Variants in ECE1 observed in about 807,000 individuals in gnomAD.
The protein encoded by ECE1 is endothelin-converting enzyme 1.
In ECE1, 35 loss-of-function variants were observed where a neutral mutation model predicts 98.6. The observed-to-expected ratio is 0.35, with a 90% CI of 0.27 to 0.47. ECE1 has a LOEUF of 0.47. Among genes scored for constraint, ECE1 ranks in the 20% least tolerant of loss-of-function variants. The pLI is 1.00. For missense variants in ECE1, 814 were observed against 1,025.3 expected (o/e 0.79, Z 2.81); for synonymous variants, 394 against 407.1 (o/e 0.97, Z 0.39).
rs1178316352 is a variant in ECE1, at chr1:21,235,607, T to TG, written c.1566+242dup. Among the ~76,000 whole-genome samples the TG allele has an allele frequency of 6.6e-6, 1 of 152,218 alleles. No homozygotes were observed. The highest frequency in any genetic ancestry group is 1.5e-5 in the Non-Finnish European group (1 of 68,028). On this transcript the variant is annotated intron_variant, in intron 13 of 18. Transcript: ENST00000374893. The surrounding 1 kb of genome is among the most constrained non-coding windows in gnomAD (Gnocchi z 4.2). ...CACACAGCACGGGTTCTGTACTGAC[T>TG]GGTGGGCACTGCTGATGGATGGTGG...
rs113326441 is a variant in ECE1 at position 21,285,573 on chromosome 1, C to A, written c.138+4497G>T. 6.1e-3 allele frequency among the ~76,000 whole-genome samples: 924 copies of A among 152,094 alleles called. 11 individuals carry two copies. Among genetic ancestry groups the A allele is most frequent in the African/African-American group, 0.021 (887 of 41,492 alleles). On this transcript the variant is annotated intron_variant, in intron 2 of 18. Coordinates refer to ENST00000374893, the MANE Select transcript of ECE1 (RefSeq NM_001397.3). ...GGCATGACGGCTCATATCTGTAATC[C>A]CAGCACTCTGGGAGGCCAATGTGAG...
At chr1:21,311,274 C>G (rs1638716454) in intron 1 of ECE1, among the ~76,000 whole-genome samples, 1 of 152,110 alleles carries the variant, frequency 6.6e-6, no homozygotes, top group Non-Finnish European at 1.5e-5. Context: ...GCCCAACATG[C>G]AGGAATGTTC....
chr1:21,270,856 C>T (rs1189015656), intron 4 of ECE1, among the ~76,000 whole-genome samples: 3 of 152,176 alleles, frequency 2.0e-5, no homozygotes. Context: ...CAGATTCGAA[C>T]CCAGGTCCTG....
intron 3 of ECE1, among the ~76,000 whole-genome samples, chr1:21,276,167 A>T (rs1004889682): frequency 1.3e-5 from 2 of 151,526 alleles, no homozygotes; most frequent in Non-Finnish European, 2.9e-5. Flanking sequence ...CTAGGATTAC[A>T]GGCATCCAAC....
chr1:21,264,312 C>G (rs1052523974), intron 4 of ECE1, among the ~76,000 whole-genome samples: 1 of 73,114 alleles, frequency 1.4e-5, no homozygotes, highest in Admixed American at 1.3e-4. Context: ...TACCAATTCC[C>G]CCCCCCCCTT....
rs1192225324 is a variant in ECE1, at chr1:21,218,777, G to A, written c.*1178C>T. 6.6e-6 allele frequency: 1 copy of A among 152,148 alleles called. No individual in the cohort carries two copies. Among genetic ancestry groups the A allele is most frequent in the Non-Finnish European group, 1.5e-5 (1 of 68,082 alleles). The allele number at this position is 152,148 out of a possible 1,614,324, so 9.4% of individuals were successfully genotyped here. ...AATTTTTGTAATTTTTTTTAGTAGAGATGGGGTTTCACCACGTTGGCCAGG... is the reference window on the plus strand; with the variant it reads ...AATTTTTGTAATTTTTTTTAGTAGAAATGGGGTTTCACCACGTTGGCCAGG... On this transcript the variant is annotated 3_prime_UTR_variant, in exon 19 of 19. Transcript: ENST00000374893. The surrounding 1 kb of genome is among the most constrained non-coding windows in gnomAD (Gnocchi z 4.0).
chr1:21,289,910 C>A (rs2098264610), intron 2 of ECE1, among the ~76,000 whole-genome samples, 160 bp downstream of exon 2: 1 of 150,980 alleles, frequency 6.6e-6, no homozygotes, highest in Non-Finnish European at 1.5e-5. Context: ...CAGCGCGGAG[C>A]TCCAGCTGCG....
At chr1:21,247,469 C>A (rs565926924) in intron 8 of ECE1, 106 bp from the exon 9 acceptor site, 2 of 1,544,718 alleles carry the variant, frequency 1.3e-6, no homozygotes, top group Non-Finnish European at 8.9e-7. Flanking sequence ...TTGGGCTTGG[C>A]GCCATCTGAC....
In ECE1 at chr1:21,307,161, ACTC is replaced by A. The variant is rs547294304; in HGVS notation, c.4-17008_4-17006del. Among the ~76,000 whole-genome samples the A allele has an allele frequency of 5.6e-3, 847 of 151,230 alleles. 3 individuals are homozygous for A. The highest frequency in any genetic ancestry group is 0.01 in the Non-Finnish European group (683 of 67,764). Reference sequence around the variant, plus strand: ...GCTCCCAGACTGCTCCCTGCTTAGAACTCCTGTCCACATTACCCCAGCCCGGGC... The same window carrying A: ...GCTCCCAGACTGCTCCCTGCTTAGAACTGTCCACATTACCCCAGCCCGGGC... On this transcript the variant is annotated intron_variant, in intron 1 of 18. Transcript: ENST00000415912. The surrounding 1 kb of genome is among the most constrained non-coding windows in gnomAD (Gnocchi z 4.2).
intron 3 of ECE1, among the ~76,000 whole-genome samples, chr1:21,276,441 A>G (rs1011356173): frequency 3.3e-5 from 5 of 152,214 alleles, no homozygotes; most frequent in African/African-American, 1.2e-4. Flanking sequence ...TGATCAATTG[A>G]GAAAGCAGAA....
chr1:21,329,804 C>A (rs1278380273), intron 1 of ECE1, among the ~76,000 whole-genome samples: 1 of 152,158 alleles, frequency 6.6e-6, no homozygotes, highest in African/African-American at 2.4e-5. Context: ...CTCCCAACCA[C>A]CTTTGCAGAA....
chr1:21,332,444 C>A (rs1442587116), intron 1 of ECE1, among the ~76,000 whole-genome samples: 1 of 151,250 alleles, frequency 6.6e-6, no homozygotes, highest in African/African-American at 2.4e-5. Flanking sequence ...AAGCTTGGCA[C>A]TATCCTTATT....
chr1:21,314,281 G>A (rs1052010303), intron 1 of ECE1, among the ~76,000 whole-genome samples: 11 of 152,132 alleles, frequency 7.2e-5, no homozygotes, highest in Non-Finnish European at 1.2e-4. Context: ...GGAAGGGGGC[G>A]CTGGCTAGGC....
In ECE1 at chr1:21,258,053, GC is replaced by G. The variant is rs756436699; in HGVS notation, c.763-464del. Among the ~76,000 whole-genome samples, 1 of 152,238 alleles carries G rather than the reference GC, an allele frequency of 6.6e-6. No homozygotes were observed. Among genetic ancestry groups the G allele is most frequent in the Non-Finnish European group, 1.5e-5 (1 of 68,044 alleles). On this transcript the variant is annotated intron_variant, in intron 6 of 18. Coordinates refer to ENST00000374893, the MANE Select transcript of ECE1 (RefSeq NM_001397.3). This position sits in a 1 kb window ranked among gnomAD's most constrained non-coding sequence, Gnocchi z 4.2. Reference sequence around the variant, plus strand: ...ACAGTGCTGGTCAAGTGCCTGCCAAGCAGGAGGGGAGGGTCAAATTCTGCTT... The same window carrying G: ...ACAGTGCTGGTCAAGTGCCTGCCAAGAGGAGGGGAGGGTCAAATTCTGCTT...
At position 21,225,271 on chromosome 1, in the gene ECE1, C is replaced by T; in HGVS notation, c.2019G>A (p.Gly673=). The T allele has an allele frequency of 6.2e-7, 1 of 1,614,182 alleles. No individual in the cohort carries two copies. Among genetic ancestry groups the T allele is most frequent in the Non-Finnish European group, 8.5e-7 (1 of 1,180,034 alleles). The part of the protein sequence containing the change: ...HTLGENIADN[G]GLKAAYRAYQ... Reference sequence around the variant, plus strand: ...TCACCCGATAGGCCGCCTTGAGACCCCCGTTGTCGGCGATGTTCTCCCCCA... The same window carrying T: ...TCACCCGATAGGCCGCCTTGAGACCTCCGTTGTCGGCGATGTTCTCCCCCA... Residue 673 remains glycine, a synonymous_variant, in exon 17 of 19, where the codon GGG becomes GGA. Coordinates refer to ENST00000374893, the MANE Select transcript of ECE1 (RefSeq NM_001397.3). The surrounding 1 kb of genome is among the most constrained non-coding windows in gnomAD (Gnocchi z 5.3).
intron 1 of ECE1, among the ~76,000 whole-genome samples, chr1:21,325,166 G>A (rs953477466): frequency 1.3e-5 from 2 of 152,226 alleles, no homozygotes; most frequent in Non-Finnish European, 2.9e-5. Context: ...ACACAGAGAC[G>A]GGGCCCTTGT....
At chr1:21,234,677 C>T (rs2098185931) in intron 13 of ECE1, among the ~76,000 whole-genome samples, 1 of 152,122 alleles carries the variant, frequency 6.6e-6, no homozygotes, top group Non-Finnish European at 1.5e-5. Context: ...TGAGGTCTCA[C>T]TATGTTGCCC....
chr1:21,290,008 C>T lies in ECE1; in HGVS notation c.138+62G>A, dbSNP rs2098264828. The T allele has an allele frequency of 1.8e-6, 2 of 1,136,874 alleles. No homozygotes were observed. Among genetic ancestry groups the T allele is most frequent in the Non-Finnish European group, 1.1e-6 (1 of 917,460 alleles). 70.4% of individuals were successfully genotyped at this position (1,136,874 alleles called of 1,614,324 possible). A position where few individuals can be genotyped will look rare whatever the true frequency, so the allele number is the denominator to read the frequency against. On this transcript the variant is annotated intron_variant, in intron 2 of 18. Coordinates refer to ENST00000374893, the MANE Select transcript of ECE1 (RefSeq NM_001397.3). This position sits in a 1 kb window ranked among gnomAD's most constrained non-coding sequence, Gnocchi z 7.3. ...TAGGTAGGGGCGGGGGGCGCGGCAG[C>T]GGCAGCGCGCATGCCCGGGCCCGGG...
chr1:21,238,305 T>G, intron 10 of ECE1, 61 bp from the exon 11 acceptor site: 1 of 1,357,754 alleles, frequency 7.4e-7, no homozygotes, highest in South Asian at 1.2e-5. Flanking sequence ...AACCCCTTTC[T>G]TGCTGGGAGG....
Sources: allele counts gnomAD v4.1 joint callset (sites outside exome capture counted in the v4.1 genomes callset), GRCh38; gene constraint gnomAD v4.1.1; non-coding constraint Gnocchi (gnomAD v3.1); transcripts MANE v1.5; gene names NCBI Gene and HGNC (gene_info 2026-07-23, HGNC 2026-07-21).